The following NXPH1 variants were observed in gnomAD, a reference collection of about 807,000 sequenced individuals.
NXPH1 encodes neurexophilin 1.
In NXPH1, 5 loss-of-function variants were observed where a neutral mutation model predicts 23.7. The observed-to-expected ratio is 0.21, with a 90% CI of 0.11 to 0.44. NXPH1 has a LOEUF of 0.44. Among genes scored for constraint, NXPH1 ranks in the 20% least tolerant of loss-of-function variants. The pLI is 0.99. For missense variants in NXPH1, 324 were observed against 321.6 expected, an observed-to-expected ratio of 1.01 and a Z score of -0.06; for synonymous variants, 144 against 122.2, an observed-to-expected ratio of 1.18 and a Z score of -1.18.
rs1178989038 is a variant in NXPH1 at position 8,435,754 on chromosome 7, C to T, written c.41C>T (p.Pro14Leu). 2.5e-6 allele frequency: 4 copies of T among 1,613,882 alleles called. No homozygotes were observed. Among genetic ancestry groups the T allele is most frequent in the South Asian group, 2.2e-5 (2 of 91,060 alleles). ...TGGTACGTGCTTTTCCTCCTGCAGC[C>T]CACCGTCTACTTGGTAAGTCTTGGA... ...ACWYVLFLLQ[P>L]TVYLVTCANL... The change falls in exon 2 of 3, where the codon CCC (proline) becomes CTC (leucine). Residue 14 changes from proline (P) to leucine (L), a missense_variant. Pro to Leu is a moderately conservative substitution (Grantham distance 98). Transcript: ENST00000405863. The surrounding 1 kb of genome is among the most constrained non-coding windows in gnomAD (Gnocchi z 5.9).
chr7:8,648,766 T>A (rs1473196845), intron 2 of NXPH1, among the ~76,000 whole-genome samples: 1 of 152,214 alleles, frequency 6.6e-6, no homozygotes, highest in Non-Finnish European at 1.5e-5. Flanking sequence ...TGAAACAAAT[T>A]CATTTTTATT....
intron 2 of NXPH1, among the ~76,000 whole-genome samples, chr7:8,516,868 GA>G (rs1257067071): frequency 1.3e-5 from 2 of 152,152 alleles, no homozygotes; most frequent in Non-Finnish European, 2.9e-5. Flanking sequence ...GCAGAAGGTG[GA>G]TGGAAAGAAA....
intron 2 of NXPH1, among the ~76,000 whole-genome samples, chr7:8,720,933 C>A (rs141538342): frequency 6.6e-6 from 1 of 152,160 alleles, no homozygotes; most frequent in African/African-American, 2.4e-5. Flanking sequence ...ATGTAAAGAA[C>A]CAGAAATAGA....
At chr7:8,744,557 A>G (rs910201735) in intron 2 of NXPH1, among the ~76,000 whole-genome samples, 1 of 152,272 alleles carries the variant, frequency 6.6e-6, no homozygotes, top group Admixed American at 6.5e-5. Context: ...CGTTTCTTGC[A>G]CAATACCATC....
At chr7:8,675,980 G>C (rs918603393) in intron 2 of NXPH1, among the ~76,000 whole-genome samples, 2 of 152,028 alleles carry the variant, frequency 1.3e-5, no homozygotes, top group African/African-American at 2.4e-5. Context: ...ATACTGTTTG[G>C]CTGTGTAAAC....
chr7:8,655,896 A>C (rs1820574530), intron 2 of NXPH1, among the ~76,000 whole-genome samples: 1 of 151,932 alleles, frequency 6.6e-6, no homozygotes, highest in Non-Finnish European at 1.5e-5. Context: ...ATTAACCCTT[A>C]CTCCACTGTG....
intron 2 of NXPH1, among the ~76,000 whole-genome samples, chr7:8,718,775 C>G (rs1159875183): frequency 6.6e-6 from 1 of 152,180 alleles, no homozygotes; most frequent in East Asian, 1.9e-4. Context: ...AAAAGCAAAT[C>G]TCTTCTGAGC....
At chr7:8,701,610 C>T (rs555843146) in intron 2 of NXPH1, among the ~76,000 whole-genome samples, 1 of 152,078 alleles carries the variant, frequency 6.6e-6, no homozygotes, top group East Asian at 1.9e-4. Context: ...TTTAAGAATC[C>T]TTTTCAAGGG....
intron 2 of NXPH1, among the ~76,000 whole-genome samples, chr7:8,672,212 C>T (rs1424895414): frequency 1.3e-5 from 2 of 152,140 alleles, no homozygotes; most frequent in East Asian, 1.9e-4. Flanking sequence ...TCATTCTCAG[C>T]AAACTATCGC....
chr7:8,751,871 T>A lies in NXPH1; in HGVS notation c.*102T>A. 8.9e-7 allele frequency: 1 copy of A among 1,118,430 alleles called. No individual in the cohort carries two copies. The highest frequency in any genetic ancestry group is 1.2e-6 in the Non-Finnish European group (1 of 806,966). The allele number at this position is 1,118,430 out of a possible 1,614,324, so 69.3% of individuals were successfully genotyped here. A position where few individuals can be genotyped will look rare whatever the true frequency, so the allele number is the denominator to read the frequency against. ...TCACATCTGTTGCCTGGAATGTGTC[T>A]ACACTGCTGCTCTTGTCAACTGGCT... On this transcript the variant is annotated 3_prime_UTR_variant, in exon 3 of 3. Coordinates refer to ENST00000405863, the MANE Select transcript of NXPH1 (RefSeq NM_152745.3). This position sits in a 1 kb window ranked among gnomAD's most constrained non-coding sequence, Gnocchi z 4.5.
intron 2 of NXPH1, among the ~76,000 whole-genome samples, chr7:8,622,363 T>C (rs1819895164): frequency 6.6e-6 from 1 of 152,216 alleles, no homozygotes; most frequent in African/African-American, 2.4e-5. Flanking sequence ...ATATAATTAG[T>C]GTGAGCAGAG....
intron 2 of NXPH1, among the ~76,000 whole-genome samples, chr7:8,720,031 T>C (rs1012950993): frequency 3.9e-5 from 6 of 152,222 alleles, no homozygotes; most frequent in African/African-American, 1.4e-4. Flanking sequence ...TGAGTGTCTG[T>C]ATAAGCACCT....
chr7:8,495,071 T>C (rs1817312818), intron 2 of NXPH1, among the ~76,000 whole-genome samples: 1 of 152,028 alleles, frequency 6.6e-6, no homozygotes, highest in Non-Finnish European at 1.5e-5. Flanking sequence ...TCCAGAGTAA[T>C]AGAATCAATA....
intron 2 of NXPH1, among the ~76,000 whole-genome samples, chr7:8,533,342 A>C (rs1817980665): frequency 6.6e-6 from 1 of 152,104 alleles, no homozygotes; most frequent in Non-Finnish European, 1.5e-5. Flanking sequence ...TTTATTAGTG[A>C]AAGGACTCTT....
chr7:8,640,979 A>C (rs187813393), intron 2 of NXPH1, among the ~76,000 whole-genome samples: 309 of 152,236 alleles, frequency 2.0e-3, no homozygotes, highest in Non-Finnish European at 3.7e-3. Flanking sequence ...ATTAAATAAA[A>C]ATTTAAAAAG....
intron 2 of NXPH1, among the ~76,000 whole-genome samples, chr7:8,622,426 C>T (rs1460782888): frequency 2.0e-5 from 3 of 152,126 alleles, no homozygotes; most frequent in Admixed American, 6.5e-5. Flanking sequence ...TTCCCAACTA[C>T]ATTAGTCTAT....
At chr7:8,639,037 A>ACT (rs1477111372) in intron 2 of NXPH1, among the ~76,000 whole-genome samples, 2 of 152,186 alleles carry the variant, frequency 1.3e-5, no homozygotes, top group African/African-American at 4.8e-5. Flanking sequence ...AATGTATAAA[A>ACT]AGTGCTTAGT....
At chr7:8,453,063 C>T (rs1816534022) in intron 2 of NXPH1, among the ~76,000 whole-genome samples, 1 of 152,066 alleles carries the variant, frequency 6.6e-6, no homozygotes, top group Admixed American at 6.6e-5. Context: ...AATTTCACTC[C>T]AGTTTGGAAA....
intron 2 of NXPH1, among the ~76,000 whole-genome samples, chr7:8,701,702 C>G (rs1433874673): frequency 6.6e-6 from 1 of 152,030 alleles, no homozygotes; most frequent in Non-Finnish European, 1.5e-5. Flanking sequence ...GAGCTCTTCC[C>G]CATTTTGTAT....
Sources: allele counts gnomAD v4.1 joint callset (sites outside exome capture counted in the v4.1 genomes callset), GRCh38; gene constraint gnomAD v4.1.1; non-coding constraint Gnocchi (gnomAD v3.1); transcripts MANE v1.5; gene names NCBI Gene and HGNC (gene_info 2026-07-23, HGNC 2026-07-21).